Variants in SYNE1 observed in about 807,000 individuals in gnomAD.
SYNE1 encodes nesprin-1.
A neutral mutation model predicts 1,111.0 loss-of-function variants in SYNE1; 616 were observed. The observed-to-expected ratio is 0.55, with a 90% CI of 0.52 to 0.59. The LOEUF is 0.59. Ranked by LOEUF, SYNE1 falls within the 20% of genes least tolerant of loss-of-function variation. The probability of loss-of-function intolerance (pLI) is 0.00; values close to 1 mark genes in which losing one functional copy is unlikely to be tolerated. For synonymous variants in SYNE1, 3,855 were observed against 3,825.8 expected, an observed-to-expected ratio of 1.01 and a Z score of -0.28; for missense variants, 10,006 against 10,417.0, an observed-to-expected ratio of 0.96 and a Z score of 1.72.
At chr6:152,234,609 T>C (rs2083570670) in intron 111 of SYNE1, 59 bp downstream of exon 111, 3 of 1,604,094 alleles carry the variant, frequency 1.9e-6, no homozygotes, top group Non-Finnish European at 2.6e-6. Flanking sequence ...TTTCTACTGG[T>C]GTATGGGTCA....
At chr6:152,467,395 G>C (rs993471865) in intron 16 of SYNE1, among the ~76,000 whole-genome samples, 12 of 151,920 alleles carry the variant, frequency 7.9e-5, no homozygotes, top group African/African-American at 2.7e-4. Context: ...TTCATTATTT[G>C]ATCAAAAATG....
In SYNE1 at chr6:152,239,401, T is replaced by C. The variant is rs552181894; in HGVS notation, c.20067+132A>G. On this transcript the variant is annotated intron_variant, in intron 108 of 145. Coordinates refer to ENST00000367255, the MANE Select transcript of SYNE1 (RefSeq NM_182961.4). ...ACACAGAACCATAGGAAAAGTGCAG[T>C]CCTGAGCCCGAGAGCGCAGCTAGTT... 1.7e-4 allele frequency: 175 copies of C among 1,052,522 alleles called. 1 individual carries two copies. In the African/African-American group the frequency reaches 2.4e-3, roughly 15 times the overall value. 65.2% of individuals were successfully genotyped at this position (1,052,522 alleles called of 1,614,324 possible).
rs550831575 is a variant in SYNE1, at chr6:152,588,698, T to A, written c.67+39567A>T. 9.2e-5 allele frequency among the ~76,000 whole-genome samples: 14 copies of A among 152,292 alleles called. No individual in the cohort carries two copies. In the East Asian group the frequency reaches 2.7e-3, roughly 29 times the overall value. ...TGTCCAGGCTTCCTCGCTTTGCAGTTCTGGTGAACATTAGAAGGGAGAAGG... is the reference window on the plus strand; with the variant it reads ...TGTCCAGGCTTCCTCGCTTTGCAGTACTGGTGAACATTAGAAGGGAGAAGG... On this transcript the variant is annotated intron_variant, in intron 3 of 145. Coordinates refer to ENST00000367255, the MANE Select transcript of SYNE1 (RefSeq NM_182961.4).
intron 53 of SYNE1, among the ~76,000 whole-genome samples, chr6:152,388,926 C>T (rs776562093): frequency 8.5e-5 from 13 of 152,220 alleles, no homozygotes; most frequent in East Asian, 3.8e-4. Context: ...GCTTAGTTCA[C>T]GCTCCAGCAG....
intron 8 of SYNE1, among the ~76,000 whole-genome samples, chr6:152,506,596 C>A (rs1406635258): frequency 6.6e-6 from 1 of 151,866 alleles, no homozygotes; most frequent in Non-Finnish European, 1.5e-5. Context: ...GGCTGGAGTG[C>A]AGTGGCACAG....
intron 3 of SYNE1, among the ~76,000 whole-genome samples, chr6:152,592,026 C>T (rs2099568360): frequency 6.6e-6 from 1 of 152,014 alleles, no homozygotes; most frequent in African/African-American, 2.4e-5. Context: ...ACAACAGATG[C>T]TTGCCAGGCT....
chr6:152,621,832 C>CA (rs982543265), intron 3 of SYNE1, among the ~76,000 whole-genome samples: 9 of 152,090 alleles, frequency 5.9e-5, no homozygotes, highest in Admixed American at 2.0e-4. Flanking sequence ...ATTGTATCTA[C>CA]AAAAACAACA....
At chr6:152,391,685 G>C (rs1261922187) in intron 51 of SYNE1, 117 bp from the exon 52 acceptor site, 4 of 1,223,748 alleles carry the variant, frequency 3.3e-6, no homozygotes, top group Non-Finnish European at 4.4e-6. Flanking sequence ...GCTCATAGCT[G>C]ACATGCCTTT....
intron 144 of SYNE1, among the ~76,000 whole-genome samples, chr6:152,131,345 A>T (rs144389265): frequency 6.9e-6 from 1 of 144,666 alleles, no homozygotes; most frequent in East Asian, 2.0e-4. Flanking sequence ...AAAAAAAAAA[A>T]TCCTAAAAAA....
In SYNE1 at chr6:152,334,174, C is replaced by T; in HGVS notation, c.12628G>A (p.Glu4210Lys). ...CACTGATCATTTAAATGATTTATTT[C>T]CTTGTGTTCAGGCGATTCCTCCTTC... ...TKKEESPEHK[E>K]INHLNDQWLD... Residue 4210 changes from glutamate (E) to lysine (K), a missense_variant, in exon 77 of 146, where the codon GAA (glutamate) becomes AAA (lysine). This residue lies in a region of SYNE1 where 4,955 missense variants were observed against 5,017.2 expected (regional missense o/e 0.99). Coordinates refer to ENST00000367255, the MANE Select transcript of SYNE1 (RefSeq NM_182961.4). 1 of 1,614,090 alleles carries T rather than the reference C, an allele frequency of 6.2e-7. No individual in the cohort carries two copies. The highest frequency in any genetic ancestry group is 8.5e-7 in the Non-Finnish European group (1 of 1,180,004).
intron 41 of SYNE1, 50 bp from the exon 42 acceptor site, chr6:152,413,581 G>T: frequency 3.2e-6 from 5 of 1,563,468 alleles, no homozygotes; most frequent in Non-Finnish European, 4.4e-6. Flanking sequence ...GGTAGTAAAT[G>T]AATATTTCTT....
chr6:152,224,711 T>A (rs1354503049), intron 116 of SYNE1, 47 bp from the exon 117 acceptor site: 1 of 1,558,850 alleles, frequency 6.4e-7, no homozygotes, highest in Non-Finnish European at 8.8e-7. Context: ...ATATCTAGAA[T>A]GATGGAATAT....
At chr6:152,356,456 A>G (rs1475829870) in intron 66 of SYNE1, among the ~76,000 whole-genome samples, 2 of 148,148 alleles carry the variant, frequency 1.3e-5, no homozygotes, top group African/African-American at 4.9e-5. Context: ...AAATATATAT[A>G]TAATATTGTT....
At position 152,149,432 on chromosome 6, in the gene SYNE1, T is replaced by C. The variant is rs1416419056; in HGVS notation, c.24642+45A>G. 8 of 1,611,236 alleles carry C rather than the reference T, an allele frequency of 5.0e-6. No homozygotes were observed. In the African/African-American group the frequency reaches 8.0e-5, roughly 16 times the overall value. ...ATACAACCCAATCCCACACGACTTATTCTCTTTAGATTTAATGACAACTAA... is the reference window on the plus strand; with the variant it reads ...ATACAACCCAATCCCACACGACTTACTCTCTTTAGATTTAATGACAACTAA... On this transcript the variant is annotated intron_variant, in intron 136 of 145. Transcript: ENST00000367255.
intron 3 of SYNE1, among the ~76,000 whole-genome samples, chr6:152,584,601 G>A (rs905656112): frequency 1.3e-5 from 2 of 151,918 alleles, no homozygotes; most frequent in African/African-American, 4.8e-5. Context: ...ACGAGGTCTC[G>A]CTACATTGCC....
chr6:152,156,601 C>T (rs1455103512), intron 131 of SYNE1, among the ~76,000 whole-genome samples: 1 of 152,122 alleles, frequency 6.6e-6, no homozygotes, highest in Non-Finnish European at 1.5e-5. Context: ...ACTTATAATA[C>T]CTAATACAAT....
chr6:152,231,716 A>C (rs1457031966), intron 113 of SYNE1, 149 bp from the exon 114 acceptor site: 2 of 822,864 alleles, frequency 2.4e-6, no homozygotes, highest in Admixed American at 2.6e-5. Context: ...CACACAACCC[A>C]TTATTTTTAG....
intron 101 of SYNE1, 56 bp from the exon 102 acceptor site, chr6:152,256,821 C>G (rs889777963): frequency 1.2e-6 from 2 of 1,606,174 alleles, no homozygotes; most frequent in Non-Finnish European, 1.7e-6. Context: ...TCCCAGTATT[C>G]TCATTTGGAA....
chr6:152,208,585 A>G lies in SYNE1; in HGVS notation c.22590-379T>C, dbSNP rs374495827. 1.2e-4 allele frequency among the ~76,000 whole-genome samples: 19 copies of G among 152,326 alleles called. 2 individuals carry two copies. Among genetic ancestry groups the G allele is most frequent in the Admixed American group, 1.0e-3 (16 of 15,304 alleles). On this transcript the variant is annotated intron_variant, in intron 124 of 145. Transcript: ENST00000367255. Reference sequence around the variant, plus strand: ...AACATGTGCAGCTCGTGATGATGATATCATCTTGTGGGACACACTGCAGGA... The same window carrying G: ...AACATGTGCAGCTCGTGATGATGATGTCATCTTGTGGGACACACTGCAGGA...
Sources: allele counts gnomAD v4.1 joint callset (sites outside exome capture counted in the v4.1 genomes callset), GRCh38; gene constraint gnomAD v4.1.1; regional missense constraint gnomAD v4.1.1; transcripts MANE v1.5; gene names NCBI Gene and HGNC (gene_info 2026-07-23, HGNC 2026-07-21).